REEP1: variants seen among roughly 807,000 people sequenced by gnomAD.
The protein encoded by REEP1 is receptor expression-enhancing protein 1.
In REEP1, 22 loss-of-function variants were observed where a neutral mutation model predicts 40.3. That is an observed-to-expected ratio of 0.55 (90% CI 0.39 to 0.78). REEP1 has a LOEUF of 0.78. Among genes scored for constraint, REEP1 ranks in the 30% least tolerant of loss-of-function variants. REEP1 has a pLI of 0.00. For synonymous variants in REEP1, 116 were observed against 139.2 expected (o/e 0.83, Z 1.17); for missense variants, 280 against 361.1 (o/e 0.78, Z 1.82).
At chr2:86,307,300 A>G (rs537494334) in intron 1 of REEP1, among the ~76,000 whole-genome samples, 3 of 152,286 alleles carry the variant, frequency 2.0e-5, no homozygotes, top group African/African-American at 7.2e-5. Context: ...AGACCATACC[A>G]TTACCTATAG....
At chr2:86,312,873 G>A (rs1381411673) in intron 1 of REEP1, among the ~76,000 whole-genome samples, 1 of 152,130 alleles carries the variant, frequency 6.6e-6, no homozygotes, top group Admixed American at 6.5e-5. Flanking sequence ...TTAGGTCTGG[G>A]AATCAAGGCA....
At chr2:86,280,158 A>G (rs1574074892) in intron 2 of REEP1, 1 of 414,812 alleles carries the variant, frequency 2.4e-6, no homozygotes, top group East Asian at 7.1e-5. Flanking sequence ...AAAGGACTGC[A>G]GGAAGGAAAC....
chr2:86,243,903 A>G (rs888684980), intron 5 of REEP1, among the ~76,000 whole-genome samples: 3 of 152,208 alleles, frequency 2.0e-5, no homozygotes, highest in African/African-American at 7.2e-5. Flanking sequence ...GAAGAGACAA[A>G]CATAGGGCTT....
chr2:86,298,851 G>C (rs1315232908), intron 1 of REEP1, among the ~76,000 whole-genome samples: 1 of 152,188 alleles, frequency 6.6e-6, no homozygotes, highest in Non-Finnish European at 1.5e-5. Context: ...ACCAGCAGAT[G>C]GGAATCCTGG....
intron 1 of REEP1, among the ~76,000 whole-genome samples, chr2:86,310,568 A>C (rs1469241547): frequency 6.6e-6 from 1 of 152,174 alleles, no homozygotes; most frequent in Non-Finnish European, 1.5e-5. Flanking sequence ...CTGTATATAG[A>C]CATATCATCA....
At chr2:86,275,649 C>A (rs981561299) in intron 2 of REEP1, among the ~76,000 whole-genome samples, 2 of 152,202 alleles carry the variant, frequency 1.3e-5, no homozygotes, top group African/African-American at 4.8e-5. Flanking sequence ...ACCTTTCTCA[C>A]AGAAACCACA....
At chr2:86,270,437 C>T (rs1677379779) in intron 2 of REEP1, among the ~76,000 whole-genome samples, 1 of 152,152 alleles carries the variant, frequency 6.6e-6, no homozygotes, top group Admixed American at 6.5e-5. Context: ...CTCAGGTGAT[C>T]CACCCACTTG....
intron 1 of REEP1, among the ~76,000 whole-genome samples, chr2:86,334,506 A>G (rs1349977965): frequency 1.3e-5 from 2 of 152,194 alleles, no homozygotes; most frequent in Non-Finnish European, 2.9e-5. Flanking sequence ...TGGACTAAAA[A>G]TCCAGAGCCT....
chr2:86,224,924 A>T (rs548659609), intron 7 of REEP1, among the ~76,000 whole-genome samples: 1 of 151,978 alleles, frequency 6.6e-6, no homozygotes, highest in African/African-American at 2.4e-5. Flanking sequence ...CAGGGCAGCC[A>T]CTCTCCCCGA....
chr2:86,310,010 G>T (rs1679684618), intron 1 of REEP1, among the ~76,000 whole-genome samples: 1 of 152,134 alleles, frequency 6.6e-6, no homozygotes, highest in Non-Finnish European at 1.5e-5. Flanking sequence ...GCTGCCGGGG[G>T]CCTACCATGA....
chr2:86,318,034 A>G (rs745918582), intron 1 of REEP1, among the ~76,000 whole-genome samples: 24 of 152,358 alleles, frequency 1.6e-4, no homozygotes, highest in Non-Finnish European at 2.6e-4. Context: ...AAAAATTAGA[A>G]TTTTGGACAT....
At chr2:86,273,002 T>C (rs1028840357) in intron 2 of REEP1, among the ~76,000 whole-genome samples, 2 of 152,030 alleles carry the variant, frequency 1.3e-5, no homozygotes, top group African/African-American at 4.8e-5. Context: ...TGCACACCTG[T>C]AGTCACAGCT....
rs111826699 is a variant in REEP1, at chr2:86,245,966, A to G, written c.417+5991T>C. Among the ~76,000 whole-genome samples the G allele has an allele frequency of 5.5e-3, 829 of 152,014 alleles. 11 individuals are homozygous for G. The highest frequency in any genetic ancestry group is 0.031 in the South Asian group (148 of 4,820). ...TTTTTAGTAGAGACGGGGTTTCACC[A>G]TGTTAGCCAGGATGGTCTCGATCTC... On this transcript the variant is annotated intron_variant, in intron 5 of 8. Coordinates refer to ENST00000538924, the MANE Select transcript of REEP1 (RefSeq NM_001371279.1).
chr2:86,251,602 C>T (rs535532517), intron 5 of REEP1: 18 of 354,474 alleles, frequency 5.1e-5, no homozygotes, highest in African/African-American at 3.4e-4. Flanking sequence ...CCCTCTCTCC[C>T]CTGCCCTCTT....
At chr2:86,265,561 G>A (rs561706504) in intron 2 of REEP1, among the ~76,000 whole-genome samples, 1 of 151,130 alleles carries the variant, frequency 6.6e-6, no homozygotes, top group African/African-American at 2.5e-5. Flanking sequence ...AGAAAATGGG[G>A]TGTATATACA....
chr2:86,237,980 G>A (rs1430219462), intron 5 of REEP1, among the ~76,000 whole-genome samples: 2 of 151,988 alleles, frequency 1.3e-5, no homozygotes, highest in African/African-American at 4.8e-5. Context: ...TCGGGAGTTT[G>A]AGACCAGCCT....
Position 86,297,596 on chromosome 2 carries a change from G to A in REEP1, c.33-15354C>T, listed in dbSNP as rs972697189. Reference sequence around the variant, plus strand: ...AAAGATGCAGGGATGCCACCTAGCTGGGAGACCAAGAACAGCCACTACCTG... The same window carrying A: ...AAAGATGCAGGGATGCCACCTAGCTAGGAGACCAAGAACAGCCACTACCTG... On this transcript the variant is annotated intron_variant, in intron 1 of 8. Transcript: ENST00000538924. The A allele has an allele frequency of 1.6e-5, 9 of 579,528 alleles. No homozygotes were observed. The African/African-American group carries it at 1.6e-4, about 10-fold the overall frequency. The allele number at this position is 579,528 out of a possible 1,614,324, so 35.9% of individuals were successfully genotyped here. A position where few individuals can be genotyped will look rare whatever the true frequency, so the allele number is the denominator to read the frequency against.
chr2:86,282,081 C>T, intron 2 of REEP1, 89 bp downstream of exon 2: 4 of 861,648 alleles, frequency 4.6e-6, no homozygotes, highest in Non-Finnish European at 8.0e-6. Context: ...CTTCCAGTGC[C>T]CATAGCACGG....
At position 86,227,363 on chromosome 2, in the gene REEP1, C is replaced by A; in HGVS notation, c.631G>T (p.Val211Leu). 8.1e-7 allele frequency: 1 copy of A among 1,232,350 alleles called. No homozygotes were observed. Among genetic ancestry groups the A allele is most frequent in the Non-Finnish European group, 1.0e-6 (1 of 988,130 alleles). The allele number at this position is 1,232,350 out of a possible 1,614,324, so 76.3% of individuals were successfully genotyped here. A position where few individuals can be genotyped will look rare whatever the true frequency, so the allele number is the denominator to read the frequency against. Residue 211 changes from valine to leucine, a missense_variant and splice_region_variant, in exon 7 of 9, where the codon GTG (valine) becomes TTG (leucine). By Grantham distance (32) the Val-to-Leu change is conservative (BLOSUM62 1). Transcript: ENST00000538924. ...GCGGAGAGGCTGGCTGCTTACTCAC[C>A]TTTCCAGGTCCTGCAGGTGGAGCAG... ...TCCSTCRTWK[V>L]VEGDVNEGGM...
Sources: gnomAD v4.1 joint callset for allele counts (sites outside exome capture counted in the v4.1 genomes callset) on GRCh38, gnomAD v4.1.1 for gene constraint, MANE v1.5 for transcripts, NCBI Gene and HGNC (gene_info 2026-07-23, HGNC 2026-07-21) for gene names.